Variants in RBFOX3 observed in about 807,000 individuals in gnomAD.
RBFOX3 encodes RNA binding protein fox-1 homolog 3.
RBFOX3 carries 17 observed loss-of-function variants against 48.7 expected under a neutral mutation model. That is an observed-to-expected ratio of 0.35 (90% CI 0.24 to 0.52). The LOEUF is 0.52. Ranked by LOEUF, RBFOX3 falls within the 20% of genes least tolerant of loss-of-function variation. RBFOX3 has a pLI of 0.94. For synonymous variants in RBFOX3, 212 were observed against 209.5 expected (o/e 1.01, Z -0.10); for missense variants, 382 against 497.5 (o/e 0.77, Z 2.21).
intron 2 of RBFOX3, among the ~76,000 whole-genome samples, chr17:79,381,037 G>A (rs147314643): frequency 1.9e-3 from 287 of 152,258 alleles, no homozygotes; most frequent in Non-Finnish European, 2.8e-3. Flanking sequence ...TGAGGTGGGC[G>A]AATCATGAGG....
chr17:79,379,029 C>A (rs1427143616), intron 2 of RBFOX3, among the ~76,000 whole-genome samples: 2 of 152,184 alleles, frequency 1.3e-5, no homozygotes, highest in East Asian at 3.9e-4. Context: ...GGCCATGCCT[C>A]CTGGGGAGGG....
chr17:79,595,202 C>A (rs2093536193), intron 1 of RBFOX3, among the ~76,000 whole-genome samples: 2 of 151,548 alleles, frequency 1.3e-5, no homozygotes, highest in South Asian at 4.2e-4. Flanking sequence ...CATAATGGGG[C>A]CACCAAGGTG....
chr17:79,139,486 G>C (rs768926579), intron 4 of RBFOX3, among the ~76,000 whole-genome samples: 2 of 152,226 alleles, frequency 1.3e-5, no homozygotes, highest in Non-Finnish European at 2.9e-5. Flanking sequence ...ATTGGCTCGT[G>C]AAGAGCTCTC....
At position 79,230,476 on chromosome 17, in the gene RBFOX3, GT is replaced by G. The variant is rs2060894053; in HGVS notation, c.-34+5289del. On this transcript the variant is annotated intron_variant, in intron 4 of 14. Transcript: ENST00000693108. ...GGGTTTCACCATGTTGGCCAGGCTG[GT>G]CTCGATCTGCTGACCTCGTGATCCG... 6.6e-5 allele frequency among the ~76,000 whole-genome samples: 10 copies of G among 151,846 alleles called. No individual in the cohort carries two copies. In the South Asian group the frequency reaches 1.9e-3, roughly 28 times the overall value.
chr17:79,154,931 G>A (rs1364433520), intron 4 of RBFOX3, among the ~76,000 whole-genome samples: 1 of 152,048 alleles, frequency 6.6e-6, no homozygotes, highest in African/African-American at 2.4e-5. Flanking sequence ...CCGGGGTCCT[G>A]CGCCTCCCAG....
rs1037221312 is a variant in RBFOX3 at position 79,553,777 on chromosome 17, G to C, written c.-320+57049C>G. Among the ~76,000 whole-genome samples the C allele has an allele frequency of 1.5e-3, 233 of 152,086 alleles. 1 individual carries two copies. Among genetic ancestry groups the C allele is most frequent in the Non-Finnish European group, 1.6e-3 (111 of 68,006 alleles). The stretch of plus-strand genomic sequence containing the variant: ...TCTCTCTCTCTCTCTCTGTTGCCCA[G>C]GCTGGAGTGCAGTGGTGCGATCTTG... On this transcript the variant is annotated intron_variant, in intron 1 of 14. Coordinates refer to ENST00000693108, the MANE Select transcript of RBFOX3 (RefSeq NM_001350451.2).
intron 3 of RBFOX3, among the ~76,000 whole-genome samples, chr17:79,287,984 C>T (rs1394835073): frequency 1.3e-5 from 2 of 152,102 alleles, no homozygotes; most frequent in African/African-American, 2.4e-5. Flanking sequence ...GCTGCTGCAA[C>T]CCCTCTCGGG....
At position 79,471,263 on chromosome 17, in the gene RBFOX3, G is replaced by A. The variant is rs890671628; in HGVS notation, c.-175+11191C>T. 3.0e-4 allele frequency among the ~76,000 whole-genome samples: 45 copies of A among 152,164 alleles called. No individual in the cohort carries two copies. Among genetic ancestry groups the A allele is most frequent in the Admixed American group, 1.3e-4 (2 of 15,280 alleles). On this transcript the variant is annotated intron_variant, in intron 2 of 14. Transcript: ENST00000693108. This position sits in a 1 kb window ranked among gnomAD's most constrained non-coding sequence, Gnocchi z 4.0. Reference sequence around the variant, plus strand: ...TCTCAGCTCATGGAAAGCGGGGTACGTGACCAGCACTGGCCAGGGTGCGAC... The same window carrying A: ...TCTCAGCTCATGGAAAGCGGGGTACATGACCAGCACTGGCCAGGGTGCGAC...
intron 2 of RBFOX3, among the ~76,000 whole-genome samples, chr17:79,447,482 G>A (rs890941956): frequency 2.0e-5 from 3 of 152,314 alleles, no homozygotes; most frequent in Non-Finnish European, 2.9e-5. Flanking sequence ...CCTGTGACCC[G>A]TCTGTCTATT....
chr17:79,339,437 C>G (rs1015261506), intron 2 of RBFOX3, among the ~76,000 whole-genome samples: 1 of 152,164 alleles, frequency 6.6e-6, no homozygotes, highest in Admixed American at 6.5e-5. Flanking sequence ...AGAAAAGGCA[C>G]AGTGCAACAC....
intron 2 of RBFOX3, among the ~76,000 whole-genome samples, chr17:79,414,159 T>G (rs1194409150): frequency 1.3e-5 from 2 of 152,052 alleles, no homozygotes; most frequent in African/African-American, 2.4e-5. Flanking sequence ...GGAGTCCCCT[T>G]CAGGGCCACA....
At chr17:79,158,493 CAG>C (rs929056614) in intron 4 of RBFOX3, among the ~76,000 whole-genome samples, 1 of 152,190 alleles carries the variant, frequency 6.6e-6, no homozygotes, top group African/African-American at 2.4e-5. Context: ...CCCCACGACT[CAG>C]AGGCCGGGGA....
At chr17:79,489,929 C>T (rs1452823946) in intron 1 of RBFOX3, among the ~76,000 whole-genome samples, 1 of 152,176 alleles carries the variant, frequency 6.6e-6, no homozygotes, top group Non-Finnish European at 1.5e-5. Flanking sequence ...TAAAATAGGA[C>T]TCAAACTAAG....
rs1188888619 is a variant in RBFOX3, at chr17:79,535,371, C to A, written c.-319-52773G>T. Among the ~76,000 whole-genome samples the A allele has an allele frequency of 1.3e-5, 2 of 152,196 alleles. No homozygotes were observed. Among genetic ancestry groups the A allele is most frequent in the Non-Finnish European group, 2.9e-5 (2 of 68,028 alleles). ...AGGAGAAGAGGGAGGGTGACAGAGG[C>A]TCCCAGAAGTCAGCCCACCAGCAAG... On this transcript the variant is annotated intron_variant, in intron 1 of 14. Coordinates refer to ENST00000693108, the MANE Select transcript of RBFOX3 (RefSeq NM_001350451.2). The surrounding 1 kb of genome is among the most constrained non-coding windows in gnomAD (Gnocchi z 4.5).
Position 79,142,667 on chromosome 17 carries a change from G to A in RBFOX3, c.-33-26919C>T, listed in dbSNP as rs920141244. 3.9e-5 allele frequency among the ~76,000 whole-genome samples: 6 copies of A among 152,136 alleles called. No homozygotes were observed. The East Asian group carries it at 1.2e-3, about 29-fold the overall frequency. On this transcript the variant is annotated intron_variant, in intron 4 of 14. Transcript: ENST00000693108. Reference sequence around the variant, plus strand: ...CTCCACGTAGACTGGCTGGCCAGCTGGGGGGTGCCGGGGGTGCACCTGGGC... The same window carrying A: ...CTCCACGTAGACTGGCTGGCCAGCTAGGGGGTGCCGGGGGTGCACCTGGGC...
intron 2 of RBFOX3, among the ~76,000 whole-genome samples, chr17:79,370,707 G>A (rs2013350): frequency 0.68 from 102,724 of 151,630 alleles, 35,687 homozygotes; most frequent in Admixed American, 0.77. Flanking sequence ...TGAAATGCAC[G>A]GTCACATACA....
rs1331124709 is a variant in RBFOX3, at chr17:79,095,552, T to A, written c.959A>T (p.Tyr320Phe). 1.3e-6 allele frequency: 2 copies of A among 1,551,386 alleles called. No individual in the cohort carries two copies. The highest frequency in any genetic ancestry group is 1.7e-6 in the Non-Finnish European group (2 of 1,146,796). ...TGCCGCCGCTGCAGCGGGCTGAGCG[T>A]ATCTGTAGGCTGCGTAGCCTCCCTG... ...EIYGGYAAYR[Y>F]AQPAAAAAAY... is the part of the protein sequence containing the mutation. The change falls in exon 13 of 15, where the codon TAC becomes TTC. Residue 320 changes from tyrosine (Y) to phenylalanine (F), a missense_variant. Transcript: ENST00000693108.
chr17:79,112,904 C>CGGCGGGGGGGGGGGGGGGGGGGG (rs1307784460), intron 5 of RBFOX3, among the ~76,000 whole-genome samples: 2 of 10,360 alleles, frequency 1.9e-4, no homozygotes, highest in African/African-American at 4.6e-4. Flanking sequence ...AGCAGGCTCT[C>CGGCGGGGGGGGGGGGGGGGGGGG]GGGGGGGGGG....
intron 1 of RBFOX3, among the ~76,000 whole-genome samples, chr17:79,566,996 C>T (rs2092477880): frequency 6.6e-6 from 1 of 152,072 alleles, no homozygotes; most frequent in African/African-American, 2.4e-5. Context: ...GGAAGTCACC[C>T]TGCAACCGAG....
Sources: allele counts gnomAD v4.1 joint callset (sites outside exome capture counted in the v4.1 genomes callset), GRCh38; gene constraint gnomAD v4.1.1; non-coding constraint Gnocchi (gnomAD v3.1); transcripts MANE v1.5; gene names NCBI Gene and HGNC (gene_info 2026-07-23, HGNC 2026-07-21).